The following EPHB4 variants were observed in gnomAD, a reference collection of about 807,000 sequenced individuals.
EPHB4 encodes the protein EPH receptor B4.
Under a neutral mutation model 110.6 loss-of-function variants are expected in EPHB4, and 50 were observed. The observed-to-expected ratio is 0.45, with a 90% CI of 0.36 to 0.57. The LOEUF is 0.57. EPHB4 is among the 20% of genes least tolerant of loss of function. EPHB4 has a pLI of 0.00. For missense variants in EPHB4, 1,128 were observed against 1,382.1 expected (o/e 0.82, Z 2.91); for synonymous variants, 592 against 578.4 (o/e 1.02, Z -0.34).
At chr7:100,826,921 T>A in intron 1 of EPHB4, 58 bp downstream of exon 1, 1 of 1,495,248 alleles carries the variant, frequency 6.7e-7, no homozygotes, top group Non-Finnish European at 9.0e-7. Context: ...GAGGCCCAGA[T>A]GTTGGGGGGG....
chr7:100,817,664 G>A (rs1226555807), intron 7 of EPHB4, among the ~76,000 whole-genome samples: 1 of 151,968 alleles, frequency 6.6e-6, no homozygotes, highest in African/African-American at 2.4e-5. Context: ...GAGTAGCTGG[G>A]ATTACAGGGG....
At chr7:100,824,311 G>A (rs370177529) in intron 1 of EPHB4, 38 bp from the exon 2 acceptor site, 43 of 1,607,062 alleles carry the variant, frequency 2.7e-5, no homozygotes, top group Non-Finnish European at 3.6e-5. Flanking sequence ...TGCCTGGGGT[G>A]GGGGAGGGAG....
Position 100,827,152 on chromosome 7 carries a change from A to T in EPHB4, c.-122T>A. 9.3e-7 allele frequency: 1 copy of T among 1,080,138 alleles called. No homozygotes were observed. Among genetic ancestry groups the T allele is most frequent in the Non-Finnish European group, 1.3e-6 (1 of 784,574 alleles). The allele number at this position is 1,080,138 out of a possible 1,614,324, so 66.9% of individuals were successfully genotyped here. A position where few individuals can be genotyped will look rare whatever the true frequency, so the allele number is the denominator to read the frequency against. On this transcript the variant is annotated 5_prime_UTR_variant, in exon 1 of 17. It removes the in-frame stop codon of an upstream open reading frame in the 5' UTR. Transcript: ENST00000358173. ...CGCGGGACTCCTCGTCGGGGCCCTCAGCGCGGGCCCATGCGAGCGTGCGGG... is the reference window on the plus strand; with the variant it reads ...CGCGGGACTCCTCGTCGGGGCCCTCTGCGCGGGCCCATGCGAGCGTGCGGG...
At chr7:100,826,489 T>C (rs1813399890) in intron 1 of EPHB4, among the ~76,000 whole-genome samples, 1 of 151,980 alleles carries the variant, frequency 6.6e-6, no homozygotes, top group South Asian at 2.1e-4. Context: ...GCCATCCTGT[T>C]GCAGGAGTGT....
At chr7:100,816,672 G>A (rs1813075426) in intron 8 of EPHB4, among the ~76,000 whole-genome samples, 1 of 151,970 alleles carries the variant, frequency 6.6e-6, no homozygotes, top group East Asian at 1.9e-4. Context: ...CTCCAGCCTG[G>A]GGGTACAGAG....
chr7:100,807,322 C>T, intron 13 of EPHB4, 43 bp downstream of exon 13: 1 of 1,600,582 alleles, frequency 6.2e-7, no homozygotes, highest in Non-Finnish European at 8.5e-7. Flanking sequence ...CCCTGCCCAC[C>T]TGGCCCTAAG....
At chr7:100,810,488 TC>T (rs1165101258) in intron 12 of EPHB4, among the ~76,000 whole-genome samples, 1 of 152,114 alleles carries the variant, frequency 6.6e-6, no homozygotes, top group Non-Finnish European at 1.5e-5. Flanking sequence ...ACGCCTGTAA[TC>T]CCAGCACTTT....
intron 8 of EPHB4, among the ~76,000 whole-genome samples, chr7:100,815,424 G>T (rs1813044928): frequency 6.6e-6 from 1 of 152,154 alleles, no homozygotes; most frequent in South Asian, 2.1e-4. Context: ...AGTCACAAAA[G>T]ACCACACTGG....
chr7:100,811,629 G>A (rs1812935021), intron 12 of EPHB4, among the ~76,000 whole-genome samples: 1 of 152,066 alleles, frequency 6.6e-6, no homozygotes, highest in African/African-American at 2.4e-5. Flanking sequence ...CAGTGCTGTG[G>A]GAGGCTGAGG....
chr7:100,811,133 T>G (rs1387105172), intron 12 of EPHB4, among the ~76,000 whole-genome samples: 1 of 151,610 alleles, frequency 6.6e-6, no homozygotes, highest in African/African-American at 2.4e-5. Flanking sequence ...GCCATGCAAT[T>G]CCAAGCTACT....
At chr7:100,826,881 G>A in intron 1 of EPHB4, 98 bp downstream of exon 1, 1 of 1,405,008 alleles carries the variant, frequency 7.1e-7, no homozygotes, top group Non-Finnish European at 9.6e-7. Flanking sequence ...TGCCCGGGTA[G>A]GGGTAGTCAG....
At position 100,817,364 on chromosome 7, in the gene EPHB4, G is replaced by A. The variant is rs539234316; in HGVS notation, c.1423-7C>T. 13 of 1,555,074 alleles carry A rather than the reference G, an allele frequency of 8.4e-6. No individual in the cohort carries two copies. The highest frequency in any genetic ancestry group is 8.3e-5 in the South Asian group (7 of 84,038). On this transcript the variant is annotated splice_polypyrimidine_tract_variant and splice_region_variant and intron_variant, in intron 7 of 16. Coordinates refer to ENST00000358173, the MANE Select transcript of EPHB4 (RefSeq NM_004444.5). ...TGCTGGGACCCTCGGCGCCCTGTCCGGGAGAGGTAGTGGGGTGGCCGTCAC... is the reference window on the plus strand; with the variant it reads ...TGCTGGGACCCTCGGCGCCCTGTCCAGGAGAGGTAGTGGGGTGGCCGTCAC...
rs1315566028 is a variant in EPHB4 at position 100,818,648 on chromosome 7, T to C, written c.1298-4A>G. ...ATGTCAGACACTGCAGGAGGTACTG[T>C]GAGAGGCAGAGACACAGGGAACCCT... On this transcript the variant is annotated splice_polypyrimidine_tract_variant and splice_region_variant and intron_variant, in intron 6 of 16. Transcript: ENST00000358173. 6.2e-7 allele frequency: 1 copy of C among 1,607,270 alleles called. No individual in the cohort carries two copies. The highest frequency in any genetic ancestry group is 8.5e-7 in the Non-Finnish European group (1 of 1,179,316).
chr7:100,818,175 G>A (rs1388020772), intron 7 of EPHB4, among the ~76,000 whole-genome samples: 1 of 151,474 alleles, frequency 6.6e-6, no homozygotes, highest in East Asian at 2.0e-4. Context: ...CCCATTTTAA[G>A]TTTTTTATAG....
Position 100,803,568 on chromosome 7 carries a change from TG to T in EPHB4, c.2856del (p.Thr953LeufsTer16). 6.2e-7 allele frequency: 1 copy of T among 1,605,806 alleles called. No homozygotes were observed. The highest frequency in any genetic ancestry group is 1.7e-5 in the Admixed American group (1 of 59,306). On this transcript the variant is annotated frameshift_variant, in exon 17 of 17. Coordinates refer to ENST00000358173, the MANE Select transcript of EPHB4 (RefSeq NM_004444.5). LOFTEE classifies it high-confidence loss of function. ...ATTTTCTTCTGGTGTCCCGCCAGAG[TG>T]ACTCCGATTCGGAGCAGGTCCCTGC... ...ISAEDLLRIG[V>X]TLAGHQKKIL...
chr7:100,807,617 G>A, intron 12 of EPHB4, 37 bp from the exon 13 acceptor site: 1 of 1,585,810 alleles, frequency 6.3e-7, no homozygotes, highest in Non-Finnish European at 8.6e-7. Context: ...GGTGAGGACA[G>A]CCCACCCACC....
In EPHB4 at chr7:100,822,637, G is replaced by A. The variant is rs774305640; in HGVS notation, c.442C>T (p.Arg148Trp). 10 of 1,591,908 alleles carry A rather than the reference G, an allele frequency of 6.3e-6. No homozygotes were observed. Among genetic ancestry groups the A allele is most frequent in the East Asian group, 4.5e-5 (2 of 44,296 alleles). The change falls in exon 4 of 17, where the codon CGG (arginine) becomes TGG (tryptophan). Residue 148 changes from arginine (R) to tryptophan (W), a missense_variant. Physicochemically the swap from Arg to Trp is moderately radical, Grantham distance 101 (BLOSUM62 -3). Coordinates refer to ENST00000358173, the MANE Select transcript of EPHB4 (RefSeq NM_004444.5). The surrounding 1 kb of genome is among the most constrained non-coding windows in gnomAD (Gnocchi z 4.7). ...GTGGCCTCGGCCCCAGGGCGCTTCC[G>A]GGTGAGATGCTCCGCGGCCACCGTG... is the stretch of plus-strand genomic sequence containing the variant. ...VDTVAAEHLT[R>W]KRPGAEATGK...
intron 8 of EPHB4, among the ~76,000 whole-genome samples, chr7:100,815,717 C>T (rs999479933): frequency 2.6e-5 from 4 of 151,602 alleles, no homozygotes; most frequent in South Asian, 2.1e-4. Flanking sequence ...CTGGGTGTGG[C>T]GGCTCATGCC....
rs1263837037 is a variant in EPHB4 at position 100,817,294 on chromosome 7, C to A, written c.1486G>T (p.Gly496Trp). ...AGGTAGCTGGCTCCCCGCTTCAGCCCCCGCAGCTCTGCCCGGTTTTCTGAC... is the reference window on the plus strand; with the variant it reads ...AGGTAGCTGGCTCCCCGCTTCAGCCACCGCAGCTCTGCCCGGTTTTCTGAC... ...KTSENRAELR[G>W]LKRGASYLVQ... Residue 496 changes from glycine (G) to tryptophan (W), a missense_variant, in exon 8 of 17, where the codon GGG (glycine) becomes TGG (tryptophan). Coordinates refer to ENST00000358173, the MANE Select transcript of EPHB4 (RefSeq NM_004444.5). 1 of 1,596,452 alleles carries A rather than the reference C, an allele frequency of 6.3e-7. No homozygotes were observed. The highest frequency in any genetic ancestry group is 2.3e-5 in the East Asian group (1 of 43,564).
Sources: allele counts gnomAD v4.1 joint callset (sites outside exome capture counted in the v4.1 genomes callset), GRCh38; gene constraint gnomAD v4.1.1; non-coding constraint Gnocchi (gnomAD v3.1); transcripts MANE v1.5; gene names NCBI Gene and HGNC (gene_info 2026-07-23, HGNC 2026-07-21).